The following C11orf65 variants were observed in gnomAD, a reference collection of about 807,000 sequenced individuals.
The protein encoded by C11orf65 is chromosome 11 open reading frame 65.
A neutral mutation model predicts 35.3 loss-of-function variants in C11orf65; 38 were observed. The ratio of observed to expected loss-of-function variants is 1.08; its 90% CI spans 0.83 to 1.41. The LOEUF (loss-of-function observed/expected upper bound fraction) is 1.41. Ranked by LOEUF, C11orf65 falls within the 40% of genes most tolerant of loss-of-function variation. The pLI is 0.00. For missense variants in C11orf65, 370 were observed against 367.1 expected, an observed-to-expected ratio of 1.01 and a Z score of -0.06; for synonymous variants, 105 against 114.4, an observed-to-expected ratio of 0.92 and a Z score of 0.53.
chr11:108,390,226 G>A (rs1043177513), intron 7 of C11orf65, among the ~76,000 whole-genome samples: 3 of 151,510 alleles, frequency 2.0e-5, no homozygotes, highest in Non-Finnish European at 4.4e-5. Context: ...GGGTTTCACC[G>A]TGTTAGCCAG....
Position 108,345,905 on chromosome 11 carries a change from A to G in C11orf65, c.227-10613T>C, listed in dbSNP as rs1555138472. 6.2e-7 allele frequency: 1 copy of G among 1,613,444 alleles called. No individual in the cohort carries two copies. Among genetic ancestry groups the G allele is most frequent in the Non-Finnish European group, 8.5e-7 (1 of 1,179,688 alleles). On this transcript the variant is annotated intron_variant, in intron 2 of 3. Transcript: ENST00000524755. Reference sequence around the variant, plus strand: ...TACGCGCAGTGTAGCTACTTCTTCTATTGGTAATCTTCTTGTACATATAGT... The same window carrying G: ...TACGCGCAGTGTAGCTACTTCTTCTGTTGGTAATCTTCTTGTACATATAGT...
At chr11:108,425,948 C>A (rs190847733) in intron 3 of C11orf65, among the ~76,000 whole-genome samples, 1 of 152,078 alleles carries the variant, frequency 6.6e-6, no homozygotes, top group African/African-American at 2.4e-5. Flanking sequence ...AATTCAACAC[C>A]GCTTCGTGCT....
At chr11:108,403,434 T>C (rs953622445) in intron 6 of C11orf65, among the ~76,000 whole-genome samples, 3 of 145,552 alleles carry the variant, frequency 2.1e-5, no homozygotes, top group African/African-American at 2.6e-5. Flanking sequence ...TTTTTTTTTT[T>C]ACATATTCTT....
intron 2 of C11orf65, among the ~76,000 whole-genome samples, chr11:108,452,657 T>A (rs201099359): frequency 6.6e-6 from 1 of 152,050 alleles, no homozygotes; most frequent in East Asian, 1.9e-4. Flanking sequence ...TGGGTGTATA[T>A]CCAAAGGATT....
At chr11:108,409,092 T>C (rs1300084253) in intron 3 of C11orf65, among the ~76,000 whole-genome samples, 1 of 152,244 alleles carries the variant, frequency 6.6e-6, no homozygotes, top group Non-Finnish European at 1.5e-5. Flanking sequence ...ATATGTATTG[T>C]ACTCTCTTGT....
intron 2 of C11orf65, among the ~76,000 whole-genome samples, chr11:108,340,755 A>C (rs147461126): frequency 0.015 from 2,256 of 152,318 alleles, 27 homozygotes; most frequent in Middle Eastern, 0.085. Context: ...TGGATACTAA[A>C]ATCAAGTCCC....
intron 6 of C11orf65, chr11:108,325,229 T>TA: frequency 2.1e-6 from 2 of 962,624 alleles, no homozygotes; most frequent in Non-Finnish European, 3.1e-6. Context: ...TATTATATCG[T>TA]AAGTTCCAGA....
intron 6 of C11orf65, among the ~76,000 whole-genome samples, chr11:108,400,961 T>C (rs546057798): frequency 6.6e-6 from 1 of 151,844 alleles, no homozygotes; most frequent in African/African-American, 2.4e-5. Flanking sequence ...AAAAAAAAAT[T>C]AGCCAGGCAT....
At chr11:108,397,980 C>T (rs935870317) in intron 6 of C11orf65, among the ~76,000 whole-genome samples, 1 of 152,044 alleles carries the variant, frequency 6.6e-6, no homozygotes, top group Non-Finnish European at 1.5e-5. Flanking sequence ...AAAGGAAGTA[C>T]CTAATTGTGT....
chr11:108,370,613 T>C (rs907333688), intron 2 of C11orf65, among the ~76,000 whole-genome samples: 30 of 143,818 alleles, frequency 2.1e-4, no homozygotes, highest in African/African-American at 7.4e-4. Context: ...TGCTGCAGGG[T>C]TTTGTTTTGT....
At chr11:108,397,753 T>A (rs2092351250) in intron 6 of C11orf65, among the ~76,000 whole-genome samples, 1 of 152,082 alleles carries the variant, frequency 6.6e-6, no homozygotes. Flanking sequence ...GAAAAGGAAA[T>A]GTAACACCCA....
intron 2 of C11orf65, among the ~76,000 whole-genome samples, chr11:108,458,355 C>CAAAAAAA (rs755107073): frequency 2.8e-5 from 1 of 35,860 alleles, no homozygotes. Context: ...GACTCTGTCT[C>CAAAAAAA]AAAAAAAAAA....
At chr11:108,327,059 C>G (rs1164127662), downstream of C11orf65, among the ~76,000 whole-genome samples, 2 of 152,074 alleles carry the variant, frequency 1.3e-5, no homozygotes, top group Non-Finnish European at 2.9e-5. Context: ...AACTCCTGAG[C>G]TCAGGCAATC....
At chr11:108,372,928 A>C (rs747060159) in intron 2 of C11orf65, among the ~76,000 whole-genome samples, 1 of 152,090 alleles carries the variant, frequency 6.6e-6, no homozygotes, top group Non-Finnish European at 1.5e-5. Flanking sequence ...TTAAAAAAAA[A>C]AATTAGCTGG....
intron 3 of C11orf65, among the ~76,000 whole-genome samples, chr11:108,424,428 G>A (rs534839697): frequency 1.3e-5 from 2 of 152,262 alleles, no homozygotes; most frequent in Admixed American, 1.3e-4. Context: ...ACCTACATTT[G>A]ATTGATATAC....
At chr11:108,417,703 A>C (rs2092758515) in intron 3 of C11orf65, among the ~76,000 whole-genome samples, 1 of 152,112 alleles carries the variant, frequency 6.6e-6, no homozygotes, top group Non-Finnish European at 1.5e-5. Context: ...TCATAATGGG[A>C]GTTGAACAAT....
chr11:108,383,243 G>C (rs955846467), intron 8 of C11orf65, 68 bp from the exon 9 acceptor site: 4 of 1,309,482 alleles, frequency 3.1e-6, no homozygotes, highest in Admixed American at 4.7e-5. Flanking sequence ...AAATGCTACT[G>C]TGTTGTGGTC....
At position 108,440,222 on chromosome 11, in the gene C11orf65, A is replaced by C. The variant is rs568937530; in HGVS notation, c.82-8384T>G. Among the ~76,000 whole-genome samples, 18 of 152,344 alleles carry C rather than the reference A, an allele frequency of 1.2e-4. No homozygotes were observed. In the South Asian group the frequency reaches 3.7e-3, roughly 32 times the overall value. On this transcript the variant is annotated intron_variant, in intron 2 of 8. Coordinates refer to ENST00000393084, the MANE Select transcript of C11orf65 (RefSeq NM_152587.5). ...TTGCCCTTTCTAGCTTAACCCTCTA[A>C]AAGAATATATAGCTGTTCTAATCAT...
intron 6 of C11orf65, among the ~76,000 whole-genome samples, chr11:108,317,763 C>A (rs1293709743): frequency 6.7e-6 from 1 of 150,222 alleles, no homozygotes; most frequent in African/African-American, 2.4e-5. Context: ...CTATAGATAG[C>A]CCTAAATCCT....
Sources: allele counts gnomAD v4.1 joint callset (sites outside exome capture counted in the v4.1 genomes callset), GRCh38; gene constraint gnomAD v4.1.1; transcripts MANE v1.5; gene names NCBI Gene and HGNC (gene_info 2026-07-23, HGNC 2026-07-21).